The following GABRA4 variants were observed in gnomAD, a reference collection of about 807,000 sequenced individuals.
GABRA4 encodes the protein gamma-aminobutyric acid type A receptor subunit alpha4, also known as gamma-aminobutyric acid receptor subunit alpha-4.
In GABRA4, 12 loss-of-function variants were observed where a neutral mutation model predicts 49.7. That is an observed-to-expected ratio of 0.24 (90% CI 0.15 to 0.39). The LOEUF is 0.39. Ranked by LOEUF, GABRA4 falls within the 10% of genes least tolerant of loss-of-function variation. The probability of loss-of-function intolerance (pLI) is 1.00; values close to 1 mark genes in which losing one functional copy is unlikely to be tolerated. For synonymous variants in GABRA4, 288 were observed against 240.2 expected (o/e 1.20, Z -1.84); for missense variants, 506 against 686.0 (o/e 0.74, Z 2.93).
chr4:46,955,722 A>G (rs537461117), intron 8 of GABRA4, among the ~76,000 whole-genome samples: 2 of 152,190 alleles, frequency 1.3e-5, no homozygotes, highest in South Asian at 2.1e-4. Context: ...CTGAATATAA[A>G]GGTTTGTATT....
chr4:46,971,024 A>T, intron 7 of GABRA4, 59 bp downstream of exon 7: 1 of 1,496,666 alleles, frequency 6.7e-7, no homozygotes, highest in Non-Finnish European at 9.2e-7. Context: ...GAAATATCCC[A>T]TGAATCATGA....
chr4:46,923,353 T>G lies in GABRA4; in HGVS notation c.*4872A>C, dbSNP rs1266654489. 6.6e-6 allele frequency: 1 copy of G among 152,134 alleles called. No homozygotes were observed. The highest frequency in any genetic ancestry group is 1.5e-5 in the Non-Finnish European group (1 of 68,014). 9.4% of individuals were successfully genotyped at this position (152,134 alleles called of 1,614,324 possible). On this transcript the variant is annotated 3_prime_UTR_variant, in exon 9 of 9. Transcript: ENST00000264318. ...AATCTTATCTTGAGATAAAAGTCAATTTAATTTTTTATTATTTAATGGCAG... is the reference window on the plus strand; with the variant it reads ...AATCTTATCTTGAGATAAAAGTCAAGTTAATTTTTTATTATTTAATGGCAG...
rs749551735 is a variant in GABRA4 at position 46,977,508 on chromosome 4, A to G, written c.396T>C (p.Thr132=). Residue 132 remains threonine, a synonymous_variant, in exon 4 of 9, where the codon ACT becomes ACC. Transcript: ENST00000264318. ...CAGATTTCTTTCCATTCCTGAAGAA[A>G]GTATCAGGGGTCCACACTTTCGTTA... ...MMVTKVWTPD[T]FFRNGKKSVS... 6.2e-6 allele frequency: 10 copies of G among 1,611,758 alleles called. No homozygotes were observed. Among genetic ancestry groups the G allele is most frequent in the Non-Finnish European group, 8.5e-6 (10 of 1,178,268 alleles).
At chr4:46,955,072 G>T (rs557396927) in intron 8 of GABRA4, among the ~76,000 whole-genome samples, 4 of 152,232 alleles carry the variant, frequency 2.6e-5, no homozygotes, top group African/African-American at 9.6e-5. Flanking sequence ...ATGACATGCT[G>T]CTCTCTAAAT....
chr4:46,968,906 T>A (rs1223742541), intron 7 of GABRA4, among the ~76,000 whole-genome samples: 1 of 151,606 alleles, frequency 6.6e-6, no homozygotes, highest in Non-Finnish European at 1.5e-5. Context: ...CATTAACCTA[T>A]CAAGTAATAA....
intron 8 of GABRA4, among the ~76,000 whole-genome samples, chr4:46,937,363 G>A (rs1204634599): frequency 1.3e-5 from 2 of 152,020 alleles, no homozygotes; most frequent in East Asian, 1.9e-4. Context: ...GGCAACCTGA[G>A]GAAACTAAAA....
chr4:46,993,267 G>T (rs546236842), intron 1 of GABRA4, 72 bp downstream of exon 1: 3 of 1,324,678 alleles, frequency 2.3e-6, no homozygotes, highest in African/African-American at 1.4e-5. Context: ...GGAGCGAGTG[G>T]CCAAAGGGGT....
At chr4:46,958,121 T>C (rs1186357951) in intron 8 of GABRA4, among the ~76,000 whole-genome samples, 2 of 151,954 alleles carry the variant, frequency 1.3e-5, no homozygotes, top group African/African-American at 4.8e-5. Flanking sequence ...GAATTGTGTT[T>C]AAGAAAAAGA....
chr4:46,947,056 C>G (rs184180220), intron 8 of GABRA4, among the ~76,000 whole-genome samples: 2 of 151,894 alleles, frequency 1.3e-5, no homozygotes, highest in East Asian at 3.9e-4. Flanking sequence ...ACAGTGACTT[C>G]CAGGCATCCA....
At position 46,919,514 on chromosome 4, in the gene GABRA4, A is replaced by G. The variant is rs1427282353; in HGVS notation, c.*8711T>C. On this transcript the variant is annotated 3_prime_UTR_variant, in exon 9 of 9. Coordinates refer to ENST00000264318, the MANE Select transcript of GABRA4 (RefSeq NM_000809.4). Reference sequence around the variant, plus strand: ...GTTATAAATATCACACTTTATATTTACTATTCTAATTGAGCAAGAATATTG... The same window carrying G: ...GTTATAAATATCACACTTTATATTTGCTATTCTAATTGAGCAAGAATATTG... 6.6e-6 allele frequency: 1 copy of G among 151,664 alleles called. No individual in the cohort carries two copies. The highest frequency in any genetic ancestry group is 1.5e-5 in the Non-Finnish European group (1 of 67,618). The allele number at this position is 151,664 out of a possible 1,614,324, so 9.4% of individuals were successfully genotyped here.
In GABRA4 at chr4:46,979,106, G is replaced by A. The variant is rs770542208; in HGVS notation, c.206-8C>T. ...TCACTTCTGTAACAGGACCTAACGGGTATGAAGTAAATAAGTGTGAAAAAA... is the reference window on the plus strand; with the variant it reads ...TCACTTCTGTAACAGGACCTAACGGATATGAAGTAAATAAGTGTGAAAAAA... On this transcript the variant is annotated splice_region_variant and splice_polypyrimidine_tract_variant and intron_variant, in intron 2 of 8. Transcript: ENST00000264318. 6.3e-7 allele frequency: 1 copy of A among 1,578,330 alleles called. No homozygotes were observed. The highest frequency in any genetic ancestry group is 1.7e-5 in the Admixed American group (1 of 59,282).
chr4:46,972,067 A>G (rs529396581), intron 6 of GABRA4, among the ~76,000 whole-genome samples: 1 of 151,738 alleles, frequency 6.6e-6, no homozygotes, highest in East Asian at 1.9e-4. Flanking sequence ...CTCACATCCT[A>G]CCAGATGTGT....
intron 2 of GABRA4, chr4:46,992,568 C>G (rs974602247): frequency 1.0e-5 from 5 of 483,114 alleles, no homozygotes; most frequent in Non-Finnish European, 1.9e-5. Context: ...TCCTCTCCAA[C>G]CTCCCCCACC....
chr4:46,936,079 T>C (rs765800739), intron 8 of GABRA4, among the ~76,000 whole-genome samples: 3 of 152,146 alleles, frequency 2.0e-5, no homozygotes, highest in Non-Finnish European at 2.9e-5. Flanking sequence ...AGTGATTCTT[T>C]TGCACCTGGC....
intron 7 of GABRA4, among the ~76,000 whole-genome samples, chr4:46,966,892 T>C (rs1722781068): frequency 6.6e-6 from 1 of 151,748 alleles, no homozygotes; most frequent in African/African-American, 2.4e-5. Context: ...TTATTCAATA[T>C]ATAAATATCT....
intron 8 of GABRA4, among the ~76,000 whole-genome samples, chr4:46,957,549 C>T (rs1042307703): frequency 2.0e-5 from 3 of 151,844 alleles, no homozygotes; most frequent in Non-Finnish European, 4.4e-5. Context: ...AAAAGAAAGT[C>T]GTTATTATGG....
chr4:46,951,740 A>G lies in GABRA4; in HGVS notation c.1134+13230T>C, dbSNP rs185167859. 4.0e-3 allele frequency among the ~76,000 whole-genome samples: 597 copies of G among 151,058 alleles called. 6 individuals carry two copies. The highest frequency in any genetic ancestry group is 0.014 in the African/African-American group (578 of 41,216). ...ACTAGGAAATTTGTTATATATATAT[A>G]TGTGTGTGTGTGTATATGTATGTGT... On this transcript the variant is annotated intron_variant, in intron 8 of 8. Coordinates refer to ENST00000264318, the MANE Select transcript of GABRA4 (RefSeq NM_000809.4).
chr4:46,975,402 ATGT>A (rs1192082070), intron 5 of GABRA4, among the ~76,000 whole-genome samples: 1 of 151,968 alleles, frequency 6.6e-6, no homozygotes, highest in Non-Finnish European at 1.5e-5. Context: ...TCTGTATACT[ATGT>A]TCTTGTCTAT....
chr4:46,955,439 G>A (rs1665287857), intron 8 of GABRA4, among the ~76,000 whole-genome samples: 1 of 151,932 alleles, frequency 6.6e-6, no homozygotes, highest in African/African-American at 2.4e-5. Context: ...TGCTAAAATT[G>A]ATTTCTTCTT....
Sources: allele counts gnomAD v4.1 joint callset (sites outside exome capture counted in the v4.1 genomes callset), GRCh38; gene constraint gnomAD v4.1.1; transcripts MANE v1.5; gene names NCBI Gene and HGNC (gene_info 2026-07-23, HGNC 2026-07-21).